The following MTSS1 variants were observed in gnomAD, a reference collection of about 807,000 sequenced individuals.
MTSS1 encodes the protein protein MTSS 1.
MTSS1 carries 18 observed loss-of-function variants against 79.0 expected under a neutral mutation model. That is an observed-to-expected ratio of 0.23 (90% CI 0.16 to 0.34). The LOEUF (loss-of-function observed/expected upper bound fraction) is 0.34. Among genes scored for constraint, MTSS1 ranks in the 10% least tolerant of loss-of-function variants. MTSS1 has a pLI of 1.00. For missense variants in MTSS1, 815 were observed against 986.2 expected (o/e 0.83, Z 2.33); for synonymous variants, 341 against 368.6 (o/e 0.93, Z 0.86).
At chr8:124,589,545 G>T in intron 5 of MTSS1, 75 bp downstream of exon 5, 1 of 1,179,650 alleles carries the variant, frequency 8.5e-7, no homozygotes, top group Non-Finnish European at 1.2e-6. Flanking sequence ...CTAGCAGAGG[G>T]GCCAGGCAGC....
chr8:124,614,163 CAAA>C (rs3050528), intron 3 of MTSS1, among the ~76,000 whole-genome samples: 14,344 of 92,202 alleles, frequency 0.16, 862 homozygotes, highest in South Asian at 0.2. Context: ...ATACCTGCCT[CAAA>C]AAAAAAAAAA....
chr8:124,614,163 CAAAA>C (rs3050528), intron 3 of MTSS1, among the ~76,000 whole-genome samples: 11,267 of 92,382 alleles, frequency 0.12, 709 homozygotes, highest in African/African-American at 0.22. Flanking sequence ...ATACCTGCCT[CAAAA>C]AAAAAAAAAA....
intron 3 of MTSS1, among the ~76,000 whole-genome samples, chr8:124,598,791 T>G: frequency 6.6e-6 from 1 of 152,202 alleles, no homozygotes; most frequent in Non-Finnish European, 1.5e-5. Flanking sequence ...GGGCAGCTTG[T>G]GTACAAGCCC....
chr8:124,552,849 T>C lies in MTSS1; in HGVS notation c.*143A>G, dbSNP rs552870733. Reference sequence around the variant, plus strand: ...ACATAGGTTGGTTTTAATTCTTATCTAAAGGTGTCGAGTACTTTCAAAAGA... The same window carrying C: ...ACATAGGTTGGTTTTAATTCTTATCCAAAGGTGTCGAGTACTTTCAAAAGA... On this transcript the variant is annotated 3_prime_UTR_variant, in exon 14 of 14. Coordinates refer to ENST00000518547, the MANE Select transcript of MTSS1 (RefSeq NM_014751.6). 16 of 741,338 alleles carry C rather than the reference T, an allele frequency of 2.2e-5. No individual in the cohort carries two copies. The highest frequency in any genetic ancestry group is 1.8e-4 in the African/African-American group (10 of 56,542). The allele number at this position is 741,338 out of a possible 1,614,324, so 45.9% of individuals were successfully genotyped here.
intron 3 of MTSS1, among the ~76,000 whole-genome samples, chr8:124,614,796 G>A (rs919547): frequency 1.3e-5 from 2 of 152,198 alleles, no homozygotes; most frequent in African/African-American, 2.4e-5. Flanking sequence ...AAAGGAAGAG[G>A]CTCCTGCCTT....
intron 3 of MTSS1, among the ~76,000 whole-genome samples, chr8:124,692,659 T>A (rs550935543): frequency 6.6e-6 from 1 of 152,280 alleles, no homozygotes; most frequent in African/African-American, 2.4e-5. Context: ...TTCTACCCAG[T>A]TGTCCTTTGC....
rs1238233198 is a variant in MTSS1, at chr8:124,593,066, G to T, written c.209-1831C>A. Reference sequence around the variant, plus strand: ...GCCTCCAAAGAGCAGGGGATGCCACGGCCATCTCAGCGTTGCCATCTACCA... The same window carrying T: ...GCCTCCAAAGAGCAGGGGATGCCACTGCCATCTCAGCGTTGCCATCTACCA... On this transcript the variant is annotated intron_variant, in intron 3 of 13. Coordinates refer to ENST00000518547, the MANE Select transcript of MTSS1 (RefSeq NM_014751.6). 2.0e-5 allele frequency among the ~76,000 whole-genome samples: 3 copies of T among 152,188 alleles called. No individual in the cohort carries two copies. The East Asian group carries it at 5.8e-4, about 29-fold the overall frequency.
At chr8:124,684,075 C>G (rs1220738651) in intron 3 of MTSS1, among the ~76,000 whole-genome samples, 1 of 152,206 alleles carries the variant, frequency 6.6e-6, no homozygotes, top group Non-Finnish European at 1.5e-5. Flanking sequence ...AGAGTAAAGA[C>G]AGCCACAGGA....
chr8:124,646,485 T>G (rs562755058), intron 3 of MTSS1, among the ~76,000 whole-genome samples: 2 of 152,314 alleles, frequency 1.3e-5, no homozygotes, highest in African/African-American at 4.8e-5. Flanking sequence ...TCTCTTACAC[T>G]TCTACTGACT....
At chr8:124,577,656 A>AG in intron 6 of MTSS1, 1 of 518,092 alleles carries the variant, frequency 1.9e-6, no homozygotes, top group Non-Finnish European at 3.9e-6. Flanking sequence ...CCCAGACAGA[A>AG]GGGGTCTGGC....
intron 6 of MTSS1, among the ~76,000 whole-genome samples, chr8:124,569,885 A>C (rs1827369490): frequency 6.6e-6 from 1 of 152,202 alleles, no homozygotes; most frequent in Non-Finnish European, 1.5e-5. Context: ...ACACTGCCTA[A>C]TTCCCTTAAC....
intron 1 of MTSS1, among the ~76,000 whole-genome samples, chr8:124,708,833 A>C (rs946517976): frequency 5.9e-5 from 9 of 152,120 alleles, no homozygotes; most frequent in African/African-American, 2.2e-4. Flanking sequence ...AGAGAGAGTC[A>C]GGCCCACCTG....
rs1830268445 is a variant in MTSS1 at position 124,582,772 on chromosome 8, A to G, written c.460+2315T>C. Among the ~76,000 whole-genome samples, 2 of 152,224 alleles carry G rather than the reference A, an allele frequency of 1.3e-5. No homozygotes were observed. The highest frequency in any genetic ancestry group is 2.9e-5 in the Non-Finnish European group (2 of 68,038). On this transcript the variant is annotated intron_variant, in intron 6 of 13. Coordinates refer to ENST00000518547, the MANE Select transcript of MTSS1 (RefSeq NM_014751.6). This position sits in a 1 kb window ranked among gnomAD's most constrained non-coding sequence, Gnocchi z 4.8. ...TCGAGGTGTTCTAGTAGAAAGGGAAATGTCAGCTAACCAGACCCCTAAACA... is the reference window on the plus strand; with the variant it reads ...TCGAGGTGTTCTAGTAGAAAGGGAAGTGTCAGCTAACCAGACCCCTAAACA...
chr8:124,681,459 C>T (rs546105744), intron 3 of MTSS1, among the ~76,000 whole-genome samples: 17 of 152,294 alleles, frequency 1.1e-4, no homozygotes, highest in Admixed American at 6.5e-4. Context: ...AAATACATGA[C>T]CACTGTTTAG....
At chr8:124,681,981 C>A (rs1826197810) in intron 3 of MTSS1, among the ~76,000 whole-genome samples, 1 of 152,066 alleles carries the variant, frequency 6.6e-6, no homozygotes, top group South Asian at 2.1e-4. Flanking sequence ...TCAAAGACTC[C>A]ACACACAGCC....
rs370963742 is a variant in MTSS1 at position 124,720,039 on chromosome 8, T to G, written c.72+7845A>C. Among the ~76,000 whole-genome samples the G allele has an allele frequency of 1.4e-3, 212 of 152,360 alleles. 5 individuals are homozygous for G. The South Asian group carries it at 0.042, about 30-fold the overall frequency. Reference sequence around the variant, plus strand: ...AGGATATAATCAATACTAGGTAGAATGTCACAAAGAATGTGAAAAATGGCT... The same window carrying G: ...AGGATATAATCAATACTAGGTAGAAGGTCACAAAGAATGTGAAAAATGGCT... On this transcript the variant is annotated intron_variant, in intron 1 of 13. Transcript: ENST00000518547.
rs373364847 is a variant in MTSS1, at chr8:124,720,964, C to T, written c.72+6920G>A. ...CAAGACTTACAGAGATTAAATAACT[C>T]GCCCATGGGATTTGAGTCAGATTCC... On this transcript the variant is annotated intron_variant, in intron 1 of 13. Transcript: ENST00000518547. 1.2e-4 allele frequency among the ~76,000 whole-genome samples: 18 copies of T among 152,292 alleles called. No individual in the cohort carries two copies. The South Asian group carries it at 2.3e-3, about 19-fold the overall frequency.
chr8:124,559,762 GT>G (rs1348797619), intron 10 of MTSS1, among the ~76,000 whole-genome samples: 1 of 152,186 alleles, frequency 6.6e-6, no homozygotes, highest in Non-Finnish European at 1.5e-5. Flanking sequence ...TCTCTGTCAC[GT>G]AAGTTGGGTC....
Position 124,553,082 on chromosome 8 carries a change from TG to T in MTSS1, c.2177del (p.Pro726HisfsTer7). ...TGGCGTTCAGCATGTCTTCTCCTTG[TG>T]GAGTATCCCTTGGGCTCAGGTCTGC... The part of the protein sequence containing the change: ...DPADLSPRDT[P>X]QGEDMLNAIR... On this transcript the variant is annotated frameshift_variant, in exon 14 of 14. Transcript: ENST00000518547. LOFTEE classifies it high-confidence loss of function. This position sits in a 1 kb window ranked among gnomAD's most constrained non-coding sequence, Gnocchi z 6.0. The T allele has an allele frequency of 6.2e-7, 1 of 1,614,152 alleles. No homozygotes were observed. The highest frequency in any genetic ancestry group is 8.5e-7 in the Non-Finnish European group (1 of 1,180,026).
Sources: gnomAD v4.1 joint callset for allele counts (sites outside exome capture counted in the v4.1 genomes callset) on GRCh38, gnomAD v4.1.1 for gene constraint, Gnocchi (gnomAD v3.1) non-coding constraint, MANE v1.5 for transcripts, NCBI Gene and HGNC (gene_info 2026-07-23, HGNC 2026-07-21) for gene names.